The following LMO7 variants were observed in gnomAD, a reference collection of about 807,000 sequenced individuals.
LMO7 encodes LIM domain 7.
Under a neutral mutation model 206.5 loss-of-function variants are expected in LMO7, and 120 were observed. That is an observed-to-expected ratio of 0.58 (90% CI 0.50 to 0.68). The LOEUF (loss-of-function observed/expected upper bound fraction) is 0.68, where lower values mean the gene tolerates loss of function less well. Among genes scored for constraint, LMO7 ranks in the 30% least tolerant of loss-of-function variants. The probability of loss-of-function intolerance (pLI) is 0.00; values close to 1 mark genes in which losing one functional copy is unlikely to be tolerated. For synonymous variants in LMO7, 706 were observed against 681.5 expected, an observed-to-expected ratio of 1.04 and a Z score of -0.56; for missense variants, 1,959 against 1,957.9, an observed-to-expected ratio of 1.00 and a Z score of -0.01.
At chr13:75,653,033 G>A (rs977051434) in intron 1 of LMO7, among the ~76,000 whole-genome samples, 1 of 151,398 alleles carries the variant, frequency 6.6e-6, no homozygotes, top group Admixed American at 6.6e-5. Flanking sequence ...CCTCATCCAT[G>A]CCCTTTACAG....
chr13:75,682,767 G>A (rs1594254835), intron 1 of LMO7, among the ~76,000 whole-genome samples: 1 of 152,100 alleles, frequency 6.6e-6, no homozygotes, highest in East Asian at 1.9e-4. Context: ...CTCCTTAAAA[G>A]CAACGCATGT....
At chr13:75,805,302 G>T in intron 8 of LMO7, 177 bp from the exon 9 acceptor site, 4 of 937,860 alleles carry the variant, frequency 4.3e-6, no homozygotes, top group Non-Finnish European at 6.1e-6. Context: ...CTATCCTTGA[G>T]TTAAAATGAG....
At chr13:75,844,383 C>A (rs2059804867) in intron 25 of LMO7, among the ~76,000 whole-genome samples, 1 of 149,822 alleles carries the variant, frequency 6.7e-6, no homozygotes, top group Admixed American at 6.7e-5. Flanking sequence ...ATTGTCATTA[C>A]TACTATTATT....
chr13:75,819,184 A>C, intron 12 of LMO7: 1 of 452,258 alleles, frequency 2.2e-6, no homozygotes, highest in East Asian at 3.7e-5. Context: ...AATGGGGTCT[A>C]TCTTATTAGG....
At chr13:75,711,617 C>G (rs925764253) in intron 1 of LMO7, among the ~76,000 whole-genome samples, 5 of 152,238 alleles carry the variant, frequency 3.3e-5, no homozygotes, top group African/African-American at 7.2e-5. Flanking sequence ...TGCGCTGCAC[C>G]CCCCCTGTCC....
At chr13:75,855,138 C>T in intron 28 of LMO7, 122 bp from the exon 29 acceptor site, 1 of 555,478 alleles carries the variant, frequency 1.8e-6, no homozygotes, top group South Asian at 3.1e-5. Context: ...TATTCTCCCA[C>T]AGATATATGT....
At chr13:75,628,977 C>T (rs1208079664) in intron 2 of LMO7, among the ~76,000 whole-genome samples, 3 of 152,220 alleles carry the variant, frequency 2.0e-5, no homozygotes, top group East Asian at 3.8e-4. Context: ...CAGTTGTCCT[C>T]CACAGGGGCT....
chr13:75,627,256 A>G (rs1449278663), intron 2 of LMO7: 1 of 152,224 alleles, frequency 6.6e-6, no homozygotes. Context: ...AATAAATTAC[A>G]TAAGATATTC....
At chr13:75,717,329 C>T (rs1326857902) in intron 2 of LMO7, among the ~76,000 whole-genome samples, 2 of 145,326 alleles carry the variant, frequency 1.4e-5, no homozygotes, top group Non-Finnish European at 3.0e-5. Context: ...TACCACTGCA[C>T]TCCAGCCTGG....
intron 30 of LMO7, chr13:75,857,717 T>A (rs2061081565): frequency 2.5e-6 from 1 of 394,606 alleles, no homozygotes; most frequent in Non-Finnish European, 4.5e-6. Context: ...TGTGAGCAGT[T>A]CATTTTTACT....
At chr13:75,666,634 A>G (rs1313797929) in intron 1 of LMO7, among the ~76,000 whole-genome samples, 1 of 152,228 alleles carries the variant, frequency 6.6e-6, no homozygotes, top group Non-Finnish European at 1.5e-5. Context: ...GCAAATACCT[A>G]TAGATAATTC....
chr13:75,729,112 T>C (rs1388720899), intron 3 of LMO7, among the ~76,000 whole-genome samples: 20 of 150,548 alleles, frequency 1.3e-4, no homozygotes, highest in African/African-American at 4.4e-4. Context: ...TGATGCGGGC[T>C]CTTTTTTGGT....
Position 75,800,736 on chromosome 13 carries a change from G to T in LMO7, c.515G>T (p.Gly172Val), listed in dbSNP as rs375674140. The T allele has an allele frequency of 1.9e-6, 3 of 1,614,008 alleles. No individual in the cohort carries two copies. The African/African-American group carries it at 4.0e-5, about 22-fold the overall frequency. ...AGAAGTGGCAGGGACAGTGGCTACG[G>T]TGACATCTGGTGTCCTGAACGTGGA... Reference protein sequence around the residue: ...LKRSGRDSGYGDIWCPERGEF... With the variant: ...LKRSGRDSGYVDIWCPERGEF... The change falls in exon 7 of 31, where the codon GGT becomes GTT. Residue 172 changes from glycine to valine, a missense_variant. By Grantham distance (109) the Gly-to-Val change is moderately radical. Coordinates refer to ENST00000377534, the MANE Select transcript of LMO7 (RefSeq NM_001306080.2).
chr13:75,709,751 C>T (rs544918240), intron 1 of LMO7, among the ~76,000 whole-genome samples: 57 of 152,240 alleles, frequency 3.7e-4, no homozygotes, highest in Non-Finnish European at 8.2e-4. Flanking sequence ...TGTAGGTTGC[C>T]TGTTCACTCT....
intron 1 of LMO7, among the ~76,000 whole-genome samples, chr13:75,656,461 A>G (rs1023675292): frequency 1.1e-4 from 17 of 152,184 alleles, no homozygotes; most frequent in African/African-American, 4.1e-4. Context: ...ATGTTTTTTA[A>G]AATTTGAATT....
chr13:75,628,992 T>A (rs900866155), intron 2 of LMO7, among the ~76,000 whole-genome samples: 4 of 152,228 alleles, frequency 2.6e-5, no homozygotes, highest in African/African-American at 7.2e-5. Flanking sequence ...GGGGCTGATT[T>A]GCCCCCAGGG....
At chr13:75,835,413 A>G in intron 18 of LMO7, 74 bp downstream of exon 18, 1 of 934,786 alleles carries the variant, frequency 1.1e-6, no homozygotes, top group South Asian at 2.2e-5. Context: ...GAAGAAAATA[A>G]TTTCTTTTGT....
rs553175287 is a variant in LMO7 at position 75,832,347 on chromosome 13, A to G, written c.2950-704A>G. Among the ~76,000 whole-genome samples the G allele has an allele frequency of 1.2e-4, 18 of 152,298 alleles. No homozygotes were observed. In the East Asian group the frequency reaches 3.5e-3, roughly 29 times the overall value. ...CCAAGAGGCTATTGTTTTGGGGCTT[A>G]TGAGCTGATGTCATTTTGAAGAAGT... On this transcript the variant is annotated intron_variant, in intron 15 of 30. Coordinates refer to ENST00000377534, the MANE Select transcript of LMO7 (RefSeq NM_001306080.2).
intron 6 of LMO7, among the ~76,000 whole-genome samples, 192 bp downstream of exon 6, chr13:75,796,941 G>A (rs2054093216): frequency 6.6e-6 from 1 of 152,150 alleles, no homozygotes; most frequent in Non-Finnish European, 1.5e-5. Flanking sequence ...CCACCACCAA[G>A]GAGTCAGTTG....
Sources: gnomAD v4.1 joint callset for allele counts (sites outside exome capture counted in the v4.1 genomes callset) on GRCh38, gnomAD v4.1.1 for gene constraint, MANE v1.5 for transcripts, NCBI Gene and HGNC (gene_info 2026-07-23, HGNC 2026-07-21) for gene names.